PICALM: variants seen among roughly 807,000 people sequenced by gnomAD.
The protein encoded by PICALM is phosphatidylinositol-binding clathrin assembly protein.
Under a neutral mutation model 80.5 loss-of-function variants are expected in PICALM, and 40 were observed. That is an observed-to-expected ratio of 0.50 (90% CI 0.39 to 0.65). The LOEUF (loss-of-function observed/expected upper bound fraction) is 0.65, where lower values mean the gene tolerates loss of function less well. Ranked by LOEUF, PICALM falls within the 30% of genes least tolerant of loss-of-function variation. PICALM has a pLI of 0.00. For missense variants in PICALM, 676 were observed against 778.9 expected (o/e 0.87, Z 1.57); for synonymous variants, 288 against 260.3 (o/e 1.11, Z -1.02).
At chr11:86,011,616 C>T (rs546715886) in intron 6 of PICALM, among the ~76,000 whole-genome samples, 5 of 152,164 alleles carry the variant, frequency 3.3e-5, no homozygotes, top group East Asian at 1.9e-4. Context: ...ATAGAAAAAC[C>T]TTTATTTTTC....
intron 8 of PICALM, among the ~76,000 whole-genome samples, chr11:86,005,397 C>T (rs955132031): frequency 1.8e-4 from 27 of 152,102 alleles, no homozygotes; most frequent in Admixed American, 1.4e-3. Flanking sequence ...AAAGTCAAAT[C>T]CACACGACAA....
chr11:86,022,377 C>G lies in PICALM; in HGVS notation c.442G>C (p.Val148Leu). 1 of 1,568,986 alleles carries G rather than the reference C, an allele frequency of 6.4e-7. No homozygotes were observed. The highest frequency in any genetic ancestry group is 1.2e-5 in the South Asian group (1 of 86,800). ...AAAAGCTTAACTCACCCTCTCTTCA[C>G]TTTTGTGAAATCAAATGCAACTTGT... ...YRQVAFDFTK[V>L]KRGADGVMRT... Residue 148 changes from valine to leucine, a missense_variant, in exon 4 of 20, where the codon GTG becomes CTG. Coordinates refer to ENST00000393346, the MANE Select transcript of PICALM (RefSeq NM_007166.4).
intron 1 of PICALM, among the ~76,000 whole-genome samples, chr11:86,034,197 C>G (rs1217294108): frequency 6.6e-6 from 1 of 151,950 alleles, no homozygotes; most frequent in East Asian, 1.9e-4. Context: ...AATGTAAAAC[C>G]AAGTTATACA....
At chr11:86,003,303 C>A in intron 9 of PICALM, 63 bp downstream of exon 9, 1 of 868,758 alleles carries the variant, frequency 1.2e-6, no homozygotes, top group Non-Finnish European at 1.9e-6. Flanking sequence ...GGAACTTGAG[C>A]TGGTTTCATC....
chr11:86,066,379 A>G (rs1416955993), intron 1 of PICALM, among the ~76,000 whole-genome samples: 1 of 152,204 alleles, frequency 6.6e-6, no homozygotes, highest in Non-Finnish European at 1.5e-5. Context: ...TTTTTAAATC[A>G]AATACTACCA....
intron 19 of PICALM, among the ~76,000 whole-genome samples, chr11:85,969,872 C>T (rs1265826990): frequency 1.3e-5 from 2 of 152,124 alleles, no homozygotes; most frequent in African/African-American, 2.4e-5. Context: ...TAAAATAAAG[C>T]TGTCTTCATT....
intron 8 of PICALM, chr11:86,003,715 C>T (rs951433096): frequency 3.7e-6 from 1 of 268,890 alleles, no homozygotes; most frequent in African/African-American, 2.2e-5. Context: ...AAAAATCTTG[C>T]AAGTACTTAA....
intron 1 of PICALM, among the ~76,000 whole-genome samples, chr11:86,061,348 A>AAAAAAAAG: frequency 6.7e-6 from 1 of 149,010 alleles, no homozygotes; most frequent in South Asian, 2.1e-4. Context: ...AAAAAAAAAA[A>AAAAAAAAG]AAAAAAAGAA....
intron 4 of PICALM, among the ~76,000 whole-genome samples, chr11:86,016,723 C>T (rs2095486051): frequency 6.6e-6 from 1 of 152,174 alleles, no homozygotes; most frequent in Admixed American, 6.5e-5. Context: ...CAAATGAATA[C>T]TCAACATTGC....
chr11:86,052,064 G>A (rs1326661460), intron 1 of PICALM, among the ~76,000 whole-genome samples: 1 of 152,214 alleles, frequency 6.6e-6, no homozygotes, highest in Admixed American at 6.5e-5. Context: ...GTTTGGCTCT[G>A]TGTCCCTACC....
intron 11 of PICALM, among the ~76,000 whole-genome samples, chr11:85,997,298 A>G (rs2094998852): frequency 6.6e-6 from 1 of 152,186 alleles, no homozygotes; most frequent in South Asian, 2.1e-4. Flanking sequence ...CTTACTTTTA[A>G]TATTCACAGA....
chr11:85,985,253 A>G (rs2094542431), intron 13 of PICALM, among the ~76,000 whole-genome samples: 1 of 152,086 alleles, frequency 6.6e-6, no homozygotes, highest in Non-Finnish European at 1.5e-5. Context: ...GATCTCAAAG[A>G]AAACTGTAAA....
intron 1 of PICALM, among the ~76,000 whole-genome samples, chr11:86,043,205 T>C (rs1413367531): frequency 1.3e-5 from 2 of 152,220 alleles, no homozygotes; most frequent in East Asian, 3.8e-4. Flanking sequence ...CACAGTGCAT[T>C]TGCATTTTCC....
At chr11:85,971,969 G>C (rs551557643) in intron 19 of PICALM, among the ~76,000 whole-genome samples, 67 of 152,164 alleles carry the variant, frequency 4.4e-4, no homozygotes, top group African/African-American at 1.5e-3. Context: ...TTTTAGTAGA[G>C]ACAGGGTTTC....
At chr11:86,057,256 GGGCCA>G (rs1360991932) in intron 1 of PICALM, among the ~76,000 whole-genome samples, 3 of 152,018 alleles carry the variant, frequency 2.0e-5, no homozygotes, top group African/African-American at 7.2e-5. Context: ...TATGTGTGTG[GGGCCA>G]GGCGCGGTGG....
intron 17 of PICALM, among the ~76,000 whole-genome samples, chr11:85,979,777 A>G (rs1054307997): frequency 2.0e-5 from 3 of 152,228 alleles, no homozygotes; most frequent in Admixed American, 6.5e-5. Context: ...GTAACAGGAC[A>G]GCTGTCAGTA....
At chr11:85,965,595 T>A (rs1449929187) in intron 19 of PICALM, among the ~76,000 whole-genome samples, 2 of 152,064 alleles carry the variant, frequency 1.3e-5, no homozygotes, top group Non-Finnish European at 2.9e-5. Flanking sequence ...GATAATGTGA[T>A]TCCTCAGCTT....
intron 19 of PICALM, among the ~76,000 whole-genome samples, chr11:85,970,395 A>G (rs1285666223): frequency 2.6e-5 from 4 of 152,254 alleles, no homozygotes; most frequent in African/African-American, 9.6e-5. Flanking sequence ...TTGTAAAAGC[A>G]TGGAATCGAA....
intron 11 of PICALM, among the ~76,000 whole-genome samples, chr11:85,998,170 G>A (rs749046827): frequency 4.6e-5 from 7 of 152,018 alleles, no homozygotes; most frequent in Non-Finnish European, 1.0e-4. Context: ...GGAGTGCAGT[G>A]GAGCGATCCT....
Sources: allele counts gnomAD v4.1 joint callset (sites outside exome capture counted in the v4.1 genomes callset), GRCh38; gene constraint gnomAD v4.1.1; transcripts MANE v1.5; gene names NCBI Gene and HGNC (gene_info 2026-07-23, HGNC 2026-07-21).